TNR: variants seen among roughly 807,000 people sequenced by gnomAD.
TNR encodes tenascin R, also known as tenascin-R.
TNR carries 45 observed loss-of-function variants against 150.4 expected under a neutral mutation model. The observed-to-expected ratio is 0.30, with a 90% CI of 0.24 to 0.38. TNR has a LOEUF of 0.38. Ranked by LOEUF, TNR falls within the 10% of genes least tolerant of loss-of-function variation. The pLI, the probability that TNR is intolerant of heterozygous loss-of-function variation, is 1.00. For missense variants in TNR, 1,544 were observed against 1,759.1 expected (o/e 0.88, Z 2.19); for synonymous variants, 687 against 678.4 (o/e 1.01, Z -0.20).
intron 20 of TNR, among the ~76,000 whole-genome samples, chr1:175,330,998 A>ATTCTTCCT (rs1649723365): frequency 9.6e-5 from 7 of 72,826 alleles, no homozygotes. Context: ...CCTCTTGGTG[A>ATTCTTCCT]TTCTTTCTTT....
rs1651379429 is a variant in TNR, at chr1:175,357,323, C to T, written c.2975-861G>A. 1.3e-5 allele frequency among the ~76,000 whole-genome samples: 2 copies of T among 152,202 alleles called. 1 individual carries two copies. The highest frequency in any genetic ancestry group is 4.1e-4 in the South Asian group (2 of 4,824). ...AAACTGTTCATTAGTTCAGGGCCAACTCCTCTGTTGGGCAATTAGAATACT... is the reference window on the plus strand; with the variant it reads ...AAACTGTTCATTAGTTCAGGGCCAATTCCTCTGTTGGGCAATTAGAATACT... On this transcript the variant is annotated intron_variant, in intron 15 of 22. Coordinates refer to ENST00000367674, the MANE Select transcript of TNR (RefSeq NM_003285.3).
chr1:175,381,732 G>A (rs1371082203), intron 8 of TNR, among the ~76,000 whole-genome samples: 1 of 152,196 alleles, frequency 6.6e-6, no homozygotes, highest in African/African-American at 2.4e-5. Flanking sequence ...GACATATCTA[G>A]CCACTAAAAC....
intron 20 of TNR, 109 bp downstream of exon 20, chr1:175,335,602 C>T: frequency 9.3e-7 from 1 of 1,070,984 alleles, no homozygotes; most frequent in East Asian, 2.4e-5. Flanking sequence ...GAGCTGTTAG[C>T]TTCTCAACAA....
intron 6 of TNR, 125 bp from the exon 7 acceptor site, chr1:175,391,563 T>C: frequency 9.3e-7 from 1 of 1,071,970 alleles, no homozygotes; most frequent in South Asian, 1.6e-5. Flanking sequence ...GCGATGTCTC[T>C]TTCCTCCATG....
intron 1 of TNR, among the ~76,000 whole-genome samples, chr1:175,582,897 C>T (rs1662414584): frequency 6.6e-6 from 1 of 151,792 alleles, no homozygotes; most frequent in South Asian, 2.1e-4. Flanking sequence ...TAGTTCAGCC[C>T]CCTTTTCTCC....
intron 1 of TNR, among the ~76,000 whole-genome samples, chr1:175,687,269 C>T (rs1431005191): frequency 6.6e-6 from 1 of 152,150 alleles, no homozygotes; most frequent in Non-Finnish European, 1.5e-5. Flanking sequence ...CAAGCACCAT[C>T]TCACTTCTCT....
In TNR at chr1:175,525,616, A is replaced by T. The variant is rs1384325903; in HGVS notation, c.-64+2653T>A. Among the ~76,000 whole-genome samples, 4 of 152,310 alleles carry T rather than the reference A, an allele frequency of 2.6e-5. No individual in the cohort carries two copies. The East Asian group carries it at 7.7e-4, about 29-fold the overall frequency. On this transcript the variant is annotated intron_variant, in intron 2 of 22. Coordinates refer to ENST00000367674, the MANE Select transcript of TNR (RefSeq NM_003285.3). ...CAGTGCAGGAAAAGTGGGTTTGCCC[A>T]CAGCGATGCCCAAGCCCCGGGTGCC...
chr1:175,705,466 G>T (rs1241939645), intron 1 of TNR, among the ~76,000 whole-genome samples: 2 of 152,080 alleles, frequency 1.3e-5, no homozygotes, highest in African/African-American at 4.8e-5. Flanking sequence ...CTAAATTCTA[G>T]AAAGATAAAG....
intron 1 of TNR, among the ~76,000 whole-genome samples, chr1:175,737,425 G>C (rs566432603): frequency 6.6e-6 from 1 of 152,208 alleles, no homozygotes; most frequent in Non-Finnish European, 1.5e-5. Flanking sequence ...AAAGTTTATA[G>C]TAAGCACTCA....
At chr1:175,361,320 G>A (rs1006732975) in intron 14 of TNR, among the ~76,000 whole-genome samples, 1 of 152,198 alleles carries the variant, frequency 6.6e-6, no homozygotes, top group Admixed American at 6.5e-5. Context: ...ATGGGAAAAA[G>A]GCTAATTTCT....
At chr1:175,417,011 A>AAAAGAAAGAAAGAAATAAAGAAAG (rs1654498712) in intron 2 of TNR, among the ~76,000 whole-genome samples, 15 of 90,848 alleles carry the variant, frequency 1.7e-4, no homozygotes, top group Non-Finnish European at 4.4e-5. Flanking sequence ...CCATCTCAAA[A>AAAAGAAAGAAAGAAATAAAGAAAG]AAAGAAAGAA....
At chr1:175,368,600 A>G (rs1239266094) in intron 9 of TNR, among the ~76,000 whole-genome samples, 8 of 152,166 alleles carry the variant, frequency 5.3e-5, no homozygotes, top group Non-Finnish European at 1.2e-4. Context: ...GGGCTATTTC[A>G]TCTATTACAA....
chr1:175,654,883 T>C (rs1665127055), intron 1 of TNR, among the ~76,000 whole-genome samples: 1 of 151,958 alleles, frequency 6.6e-6, no homozygotes, highest in Admixed American at 6.6e-5. Context: ...CACAGCCGGC[T>C]AATTTTGTTT....
At chr1:175,712,930 G>A (rs1667057511) in intron 1 of TNR, among the ~76,000 whole-genome samples, 1 of 152,172 alleles carries the variant, frequency 6.6e-6, no homozygotes, top group Non-Finnish European at 1.5e-5. Context: ...TATTGCAGTG[G>A]GGGCATAAAG....
chr1:175,719,698 T>A (rs921336548), intron 1 of TNR, among the ~76,000 whole-genome samples: 4 of 152,132 alleles, frequency 2.6e-5, no homozygotes, highest in Admixed American at 2.0e-4. Flanking sequence ...GTGTCCCTGA[T>A]TAGAGAGGCT....
chr1:175,425,294 T>G (rs1384277415), intron 2 of TNR, among the ~76,000 whole-genome samples: 1 of 152,142 alleles, frequency 6.6e-6, no homozygotes, highest in Non-Finnish European at 1.5e-5. Flanking sequence ...AGCAATGTAT[T>G]TTCTCTGAGC....
At position 175,599,966 on chromosome 1, in the gene TNR, A is replaced by C. The variant is rs1220578138; in HGVS notation, c.-164-71597T>G. 6.6e-6 allele frequency among the ~76,000 whole-genome samples: 1 copy of C among 152,138 alleles called. No individual in the cohort carries two copies. Among genetic ancestry groups the C allele is most frequent in the African/African-American group, 2.4e-5 (1 of 41,428 alleles). On this transcript the variant is annotated intron_variant, in intron 1 of 22. Coordinates refer to ENST00000367674, the MANE Select transcript of TNR (RefSeq NM_003285.3). This position sits in a 1 kb window ranked among gnomAD's most constrained non-coding sequence, Gnocchi z 4.7. ...AAAGAGTGAGCCATATGATAGAGTA[A>C]AATCCCTTGCAGGACTTCCATTCGA...
At chr1:175,737,476 C>T (rs1667803329) in intron 1 of TNR, among the ~76,000 whole-genome samples, 1 of 152,108 alleles carries the variant, frequency 6.6e-6, no homozygotes, top group African/African-American at 2.4e-5. Flanking sequence ...ATAGAAAGAC[C>T]CAAGCTTCCA....
chr1:175,337,392 G>A (rs1650299813), intron 19 of TNR, 136 bp downstream of exon 19: 3 of 994,394 alleles, frequency 3.0e-6, no homozygotes, highest in South Asian at 1.5e-5. Flanking sequence ...GGGCAATGAG[G>A]AGCCCCAAGA....
Sources: gnomAD v4.1 joint callset for allele counts (sites outside exome capture counted in the v4.1 genomes callset) on GRCh38, gnomAD v4.1.1 for gene constraint, Gnocchi (gnomAD v3.1) non-coding constraint, MANE v1.5 for transcripts, NCBI Gene and HGNC (gene_info 2026-07-23, HGNC 2026-07-21) for gene names.